The following CTNNBL1 variants were observed in gnomAD, a reference collection of about 807,000 sequenced individuals.
CTNNBL1 encodes the protein catenin beta like 1, also known as beta-catenin-like protein 1.
CTNNBL1 carries 31 observed loss-of-function variants against 72.7 expected under a neutral mutation model. The ratio of observed to expected loss-of-function variants is 0.43; its 90% CI spans 0.32 to 0.58. The LOEUF is 0.58. Among genes scored for constraint, CTNNBL1 ranks in the 20% least tolerant of loss-of-function variants. The pLI is 0.08. For missense variants in CTNNBL1, 534 were observed against 725.1 expected (o/e 0.74, Z 3.03); for synonymous variants, 240 against 267.3 (o/e 0.90, Z 1.00).
chr20:37,868,401 G>C (rs1329818654), intron 15 of CTNNBL1, among the ~76,000 whole-genome samples: 1 of 152,094 alleles, frequency 6.6e-6, no homozygotes, highest in Non-Finnish European at 1.5e-5. Context: ...TTTCCCCCTG[G>C]GTAAGTAGGG....
intron 2 of CTNNBL1, among the ~76,000 whole-genome samples, chr20:37,735,880 G>A (rs2073166945): frequency 6.6e-6 from 1 of 152,172 alleles, no homozygotes; most frequent in Non-Finnish European, 1.5e-5. Flanking sequence ...TTAGGTGTGA[G>A]TTATGGTCAA....
At chr20:37,713,620 CT>C (rs1463040438) in intron 1 of CTNNBL1, among the ~76,000 whole-genome samples, 3 of 152,128 alleles carry the variant, frequency 2.0e-5, no homozygotes, top group Non-Finnish European at 4.4e-5. Flanking sequence ...TGCAGCTGGC[CT>C]TGAGGTATTG....
chr20:37,842,182 T>A lies in CTNNBL1; in HGVS notation c.1312-157T>A, dbSNP rs2072309601. 8 of 624,228 alleles carry A rather than the reference T, an allele frequency of 1.3e-5. No individual in the cohort carries two copies. In the Admixed American group the frequency reaches 1.3e-4, roughly 10 times the overall value. The allele number at this position is 624,228 out of a possible 1,614,324, so 38.7% of individuals were successfully genotyped here. ...CCCCAGCCCTTTGATCCATTCCTGA[T>A]GTGTCCCTAAGCAAAGCTTCTCTCA... On this transcript the variant is annotated intron_variant, in intron 12 of 15. Transcript: ENST00000361383.
intron 11 of CTNNBL1, 122 bp from the exon 12 acceptor site, chr20:37,839,980 T>C: frequency 1.6e-6 from 1 of 644,228 alleles, no homozygotes; most frequent in Non-Finnish European, 2.7e-6. Flanking sequence ...GTCTTATTAA[T>C]CAATAGCAGC....
chr20:37,799,107 T>C (rs943817819), intron 10 of CTNNBL1, among the ~76,000 whole-genome samples: 6 of 152,214 alleles, frequency 3.9e-5, no homozygotes, highest in Admixed American at 2.0e-4. Flanking sequence ...TTTCATACCA[T>C]TGCTGTAGTC....
chr20:37,825,327 T>A (rs1388533533), intron 11 of CTNNBL1, among the ~76,000 whole-genome samples: 1 of 152,006 alleles, frequency 6.6e-6, no homozygotes, highest in Non-Finnish European at 1.5e-5. Flanking sequence ...TACTCCAGCC[T>A]GGGCGGCAGA....
chr20:37,856,200 CAA>C (rs72145244), intron 13 of CTNNBL1, among the ~76,000 whole-genome samples: 3 of 139,000 alleles, frequency 2.2e-5, no homozygotes, highest in Non-Finnish European at 3.1e-5. Context: ...AACTCCTTCT[CAA>C]AAAAAAAAAA....
intron 4 of CTNNBL1, among the ~76,000 whole-genome samples, chr20:37,752,697 A>G (rs1600464563): frequency 6.6e-6 from 1 of 152,080 alleles, no homozygotes; most frequent in East Asian, 1.9e-4. Flanking sequence ...AGAAGTAAAC[A>G]CCACTCTTTT....
intron 1 of CTNNBL1, among the ~76,000 whole-genome samples, chr20:37,706,414 T>A (rs1391474695): frequency 6.6e-6 from 1 of 152,248 alleles, no homozygotes; most frequent in African/African-American, 2.4e-5. Flanking sequence ...ATATTCTAAA[T>A]CCTTTGTTGT....
chr20:37,842,956 C>T (rs995208127), intron 13 of CTNNBL1, among the ~76,000 whole-genome samples: 1 of 152,210 alleles, frequency 6.6e-6, no homozygotes, highest in African/African-American at 2.4e-5. Context: ...CCCTTGTTTT[C>T]TCATGTTGAT....
chr20:37,769,998 C>T (rs1417530003), intron 7 of CTNNBL1, among the ~76,000 whole-genome samples: 2 of 152,216 alleles, frequency 1.3e-5, no homozygotes, highest in Admixed American at 6.5e-5. Flanking sequence ...CCTTGATTTA[C>T]ATAACATATT....
chr20:37,815,969 TG>T (rs1267788725), intron 11 of CTNNBL1, among the ~76,000 whole-genome samples: 2 of 152,246 alleles, frequency 1.3e-5, no homozygotes, highest in African/African-American at 4.8e-5. Flanking sequence ...GCCTGCAGGT[TG>T]CTGGGGAAAT....
At chr20:37,758,309 G>A (rs1014692157) in intron 5 of CTNNBL1, among the ~76,000 whole-genome samples, 4 of 152,224 alleles carry the variant, frequency 2.6e-5, no homozygotes, top group Admixed American at 2.0e-4. Context: ...GAGGAGCCTA[G>A]GCAAGGCCTC....
At chr20:37,743,587 A>G (rs150594902) in intron 3 of CTNNBL1, among the ~76,000 whole-genome samples, 42 of 152,338 alleles carry the variant, frequency 2.8e-4, no homozygotes, top group Admixed American at 8.5e-4. Context: ...AACATACTAT[A>G]AAGCTATAAC....
intron 1 of CTNNBL1, among the ~76,000 whole-genome samples, chr20:37,724,218 C>T (rs1442653260): frequency 2.6e-5 from 4 of 152,036 alleles, no homozygotes; most frequent in African/African-American, 9.7e-5. Flanking sequence ...TATGAAATTC[C>T]AAAATAATGG....
intron 10 of CTNNBL1, among the ~76,000 whole-genome samples, chr20:37,787,162 G>A (rs183214114): frequency 3.3e-4 from 48 of 143,902 alleles, no homozygotes; most frequent in African/African-American, 1.2e-3. Context: ...CCACTATGTT[G>A]CCCAGGCTGA....
chr20:37,733,557 G>A (rs1293372107), intron 2 of CTNNBL1, among the ~76,000 whole-genome samples: 1 of 152,114 alleles, frequency 6.6e-6, no homozygotes, highest in East Asian at 1.9e-4. Flanking sequence ...CTCAAGATGC[G>A]TTGGGGCCTT....
intron 10 of CTNNBL1, among the ~76,000 whole-genome samples, chr20:37,783,699 T>A (rs1462042452): frequency 5.3e-5 from 8 of 152,244 alleles, no homozygotes; most frequent in Non-Finnish European, 8.8e-5. Context: ...TCTAGTTTTT[T>A]TCCATTGTGA....
chr20:37,845,790 CTTAT>C (rs1716055618), intron 13 of CTNNBL1, among the ~76,000 whole-genome samples: 1 of 152,160 alleles, frequency 6.6e-6, no homozygotes, highest in African/African-American at 2.4e-5. Context: ...GAATTGAATG[CTTAT>C]TTTTCAGGCA....
Sources: gnomAD v4.1 joint callset for allele counts (sites outside exome capture counted in the v4.1 genomes callset) on GRCh38, gnomAD v4.1.1 for gene constraint, MANE v1.5 for transcripts, NCBI Gene and HGNC (gene_info 2026-07-23, HGNC 2026-07-21) for gene names.